Variants in UBAP2 observed in about 807,000 individuals in gnomAD.
UBAP2 encodes ubiquitin-associated protein 2.
A neutral mutation model predicts 139.6 loss-of-function variants in UBAP2; 75 were observed. That is an observed-to-expected ratio of 0.54 (90% CI 0.45 to 0.65). The LOEUF is 0.65. Ranked by LOEUF, UBAP2 falls within the 30% of genes least tolerant of loss-of-function variation. UBAP2 has a pLI of 0.00. For synonymous variants in UBAP2, 526 were observed against 526.2 expected (o/e 1.00, Z 0.01); for missense variants, 1,368 against 1,369.6 (o/e 1.00, Z 0.02).
rs1267970625 is a variant in UBAP2, at chr9:33,933,626, G to C, written c.1972C>G (p.Pro658Ala). Residue 658 changes from proline (P) to alanine (A), a missense_variant and splice_region_variant, in exon 18 of 29, where the codon CCA becomes GCA. Transcript: ENST00000379238. ...GCAGAGGGAGGGCCTGTTGTCTTTG[G>C]AGCTGGAACAGATGAAGTAGCTGTA... ...GGRSQQTLDTPKTTGPPSALP... is the reference protein window; with the variant it reads ...GGRSQQTLDTAKTTGPPSALP... The C allele has an allele frequency of 1.2e-6, 2 of 1,613,560 alleles. No homozygotes were observed. The highest frequency in any genetic ancestry group is 2.7e-5 in the African/African-American group (2 of 74,868).
At chr9:33,974,516 C>CA (rs1172770409) in intron 6 of UBAP2, among the ~76,000 whole-genome samples, 1 of 151,718 alleles carries the variant, frequency 6.6e-6, no homozygotes, top group Non-Finnish European at 1.5e-5. Flanking sequence ...CAAAAACAAA[C>CA]AAAAAAACAC....
At chr9:33,932,267 G>GA (rs140689341) in intron 19 of UBAP2, among the ~76,000 whole-genome samples, 12,037 of 152,098 alleles carry the variant, frequency 0.079, 683 homozygotes, top group Non-Finnish European at 0.12. Flanking sequence ...AAGGCACGAG[G>GA]AAAGATCAAA....
chr9:33,943,657 G>GAGCCAAAC, intron 14 of UBAP2, 68 bp from the exon 15 acceptor site: 1 of 1,489,504 alleles, frequency 6.7e-7, no homozygotes, highest in Non-Finnish European at 9.1e-7. Flanking sequence ...GCCTATAACA[G>GAGCCAAAC]AGCCAAACAA....
intron 4 of UBAP2, among the ~76,000 whole-genome samples, chr9:33,993,178 C>T (rs376366242): frequency 6.6e-5 from 10 of 152,244 alleles, no homozygotes; most frequent in South Asian, 2.1e-4. Context: ...ACATCATGGA[C>T]GATTCCACTT....
At chr9:34,014,860 C>T (rs1326537300) in intron 2 of UBAP2, among the ~76,000 whole-genome samples, 1 of 151,998 alleles carries the variant, frequency 6.6e-6, no homozygotes, top group Non-Finnish European at 1.5e-5. Context: ...CTAAAACCTC[C>T]AAATTTTTCC....
intron 6 of UBAP2, among the ~76,000 whole-genome samples, chr9:33,977,454 T>C (rs921878076): frequency 6.6e-6 from 1 of 152,194 alleles, no homozygotes; most frequent in African/African-American, 2.4e-5. Flanking sequence ...AACATTGGTT[T>C]CTGTGTATAT....
At chr9:33,963,938 G>A in intron 8 of UBAP2, 147 bp from the exon 9 acceptor site, 1 of 621,200 alleles carries the variant, frequency 1.6e-6, no homozygotes, top group Admixed American at 2.5e-5. Flanking sequence ...TACTCTTACA[G>A]GTCACTGCAA....
chr9:33,998,190 G>C (rs1822357327), intron 3 of UBAP2: 1 of 152,226 alleles, frequency 6.6e-6, no homozygotes, highest in South Asian at 2.1e-4. Context: ...TTGAGCCCAG[G>C]AATTCAAGAC....
rs556154871 is a variant in UBAP2, at chr9:33,947,235, C to T, written c.1270+1139G>A. 3.3e-5 allele frequency among the ~76,000 whole-genome samples: 5 copies of T among 152,302 alleles called. No individual in the cohort carries two copies. In the South Asian group the frequency reaches 8.3e-4, roughly 25 times the overall value. ...ACTTCCAACACAGTAAGTCATTTCA[C>T]AGAACAGAGGAATATGCTTCCCTGT... On this transcript the variant is annotated intron_variant, in intron 13 of 28. Coordinates refer to ENST00000379238, the MANE Select transcript of UBAP2 (RefSeq NM_001370062.2).
intron 16 of UBAP2, among the ~76,000 whole-genome samples, chr9:33,937,252 A>G (rs971496779): frequency 5.3e-5 from 8 of 152,190 alleles, no homozygotes; most frequent in African/African-American, 1.9e-4. Flanking sequence ...CAAAGGTTCA[A>G]TTTAACTGCG....
chr9:33,998,925 A>G, intron 2 of UBAP2, 61 bp from the exon 3 acceptor site: 4 of 1,438,662 alleles, frequency 2.8e-6, no homozygotes, highest in Non-Finnish European at 3.8e-6. Context: ...AGATTCCAAA[A>G]TCTGGGTCAA....
chr9:33,958,136 A>G (rs1426081577), intron 10 of UBAP2, among the ~76,000 whole-genome samples: 1 of 151,952 alleles, frequency 6.6e-6, no homozygotes, highest in Non-Finnish European at 1.5e-5. Context: ...TATTTTAAAA[A>G]TTTTTTGTAG....
intron 8 of UBAP2, among the ~76,000 whole-genome samples, chr9:33,965,990 C>CA (rs1216892112): frequency 1.3e-5 from 2 of 150,000 alleles, no homozygotes; most frequent in Non-Finnish European, 3.0e-5. Context: ...GCAGAGCCTG[C>CA]AGTGAGCAGA....
intron 16 of UBAP2, chr9:33,939,004 A>G (rs1824845924): frequency 5.0e-6 from 2 of 403,376 alleles, no homozygotes; most frequent in Non-Finnish European, 9.6e-6. Flanking sequence ...GACAAGGGAC[A>G]CAAATATTTT....
chr9:34,007,968 C>A (rs1823383673), intron 2 of UBAP2, among the ~76,000 whole-genome samples: 1 of 151,988 alleles, frequency 6.6e-6, no homozygotes, highest in South Asian at 2.1e-4. Context: ...TGAGATGTAT[C>A]CTGTTCATTG....
chr9:33,981,855 GGGAAGGAA>G (rs148902332), intron 6 of UBAP2, among the ~76,000 whole-genome samples: 18 of 138,844 alleles, frequency 1.3e-4, no homozygotes, highest in South Asian at 2.3e-4. Context: ...AAGGGAGGGA[GGGAAGGAA>G]GGAAGGAAGG....
intron 1 of UBAP2, among the ~76,000 whole-genome samples, chr9:34,035,129 T>C (rs1826218706): frequency 6.6e-6 from 1 of 152,114 alleles, no homozygotes; most frequent in South Asian, 2.1e-4. Context: ...GGAAAAATGC[T>C]ACTCCCTAGG....
At chr9:34,025,983 T>A (rs1286880699) in intron 1 of UBAP2, among the ~76,000 whole-genome samples, 3 of 152,234 alleles carry the variant, frequency 2.0e-5, no homozygotes, top group Admixed American at 6.6e-5. Context: ...AATGGTTGAC[T>A]TAACAACCAC....
intron 1 of UBAP2, among the ~76,000 whole-genome samples, chr9:34,024,013 C>T (rs1156880242): frequency 6.6e-6 from 1 of 151,346 alleles, no homozygotes; most frequent in Non-Finnish European, 1.5e-5. Flanking sequence ...CATTGCACTC[C>T]AGTCCGGGTG....
Sources: gnomAD v4.1 joint callset for allele counts (sites outside exome capture counted in the v4.1 genomes callset) on GRCh38, gnomAD v4.1.1 for gene constraint, MANE v1.5 for transcripts, NCBI Gene and HGNC (gene_info 2026-07-23, HGNC 2026-07-21) for gene names.